The following PRKAR1B variants were observed in gnomAD, a reference collection of about 807,000 sequenced individuals.
PRKAR1B encodes protein kinase cAMP-dependent type I regulatory subunit beta.
In PRKAR1B, 22 loss-of-function variants were observed where a neutral mutation model predicts 46.5. That is an observed-to-expected ratio of 0.47 (90% CI 0.34 to 0.68). PRKAR1B has a LOEUF of 0.68. Ranked by LOEUF, PRKAR1B falls within the 30% of genes least tolerant of loss-of-function variation. PRKAR1B has a pLI of 0.01. For synonymous variants in PRKAR1B, 259 were observed against 217.7 expected, an observed-to-expected ratio of 1.19 and a Z score of -1.67; for missense variants, 445 against 535.6, an observed-to-expected ratio of 0.83 and a Z score of 1.67.
intron 4 of PRKAR1B, among the ~76,000 whole-genome samples, chr7:656,624 C>T (rs547509295): frequency 1.5e-4 from 23 of 149,014 alleles, no homozygotes; most frequent in Admixed American, 2.7e-4. Context: ...TAAGTGAATG[C>T]GTAGATGAAT....
intron 2 of PRKAR1B, among the ~76,000 whole-genome samples, chr7:703,735 T>A (rs1481202966): frequency 6.6e-6 from 1 of 151,196 alleles, no homozygotes; most frequent in Non-Finnish European, 1.5e-5. Context: ...CTAACCAACA[T>A]TTCCAGAACA....
intron 4 of PRKAR1B, among the ~76,000 whole-genome samples, chr7:626,033 A>G (rs1334181223): frequency 6.6e-6 from 1 of 151,874 alleles, no homozygotes; most frequent in African/African-American, 2.4e-5. Flanking sequence ...AAAAAGAAAG[A>G]AAGAAAAACT....
At chr7:588,523 T>C (rs1780737762) in intron 7 of PRKAR1B, among the ~76,000 whole-genome samples, 1 of 86,928 alleles carries the variant, frequency 1.2e-5, no homozygotes, top group African/African-American at 4.4e-5. Context: ...ACGATGATGG[T>C]GGTGACGGTG....
intron 6 of PRKAR1B, among the ~76,000 whole-genome samples, chr7:605,517 GTTTA>G: frequency 6.6e-6 from 1 of 152,312 alleles, no homozygotes; most frequent in South Asian, 2.1e-4. Context: ...GTGTGTATGT[GTTTA>G]TTTACTTAGT....
Position 666,638 on chromosome 7 carries a change from C to A in PRKAR1B, c.440+10591G>T, listed in dbSNP as rs946024298. Among the ~76,000 whole-genome samples the A allele has an allele frequency of 6.6e-6, 1 of 152,226 alleles. No homozygotes were observed. Among genetic ancestry groups the A allele is most frequent in the Admixed American group, 6.5e-5 (1 of 15,286 alleles). ...GGCCCCCTCTCACTGGGTCTCAGAGCTCTGTTCAGTACAGTGAGGTGGGGA... is the reference window on the plus strand; with the variant it reads ...GGCCCCCTCTCACTGGGTCTCAGAGATCTGTTCAGTACAGTGAGGTGGGGA... On this transcript the variant is annotated intron_variant, in intron 4 of 10. Transcript: ENST00000537384. This position sits in a 1 kb window ranked among gnomAD's most constrained non-coding sequence, Gnocchi z 4.9.
At chr7:657,384 T>G (rs1240683141) in intron 4 of PRKAR1B, among the ~76,000 whole-genome samples, 1 of 149,478 alleles carries the variant, frequency 6.7e-6, no homozygotes, top group East Asian at 2.0e-4. Context: ...TGAATGAATG[T>G]GTGCATGGAT....
chr7:685,694 C>G (rs1023486091), intron 2 of PRKAR1B, among the ~76,000 whole-genome samples: 3 of 151,826 alleles, frequency 2.0e-5, no homozygotes, highest in Non-Finnish European at 2.9e-5. Flanking sequence ...ACACTAGATA[C>G]TAGAGGACAA....
chr7:700,478 A>G (rs763889926), intron 2 of PRKAR1B, among the ~76,000 whole-genome samples: 15 of 152,238 alleles, frequency 9.9e-5, no homozygotes, highest in Non-Finnish European at 1.9e-4. Flanking sequence ...TATTCAACAT[A>G]TCAAGAACTA....
chr7:628,532 C>T (rs1054714220), intron 4 of PRKAR1B, among the ~76,000 whole-genome samples: 1 of 152,220 alleles, frequency 6.6e-6, no homozygotes, highest in Non-Finnish European at 1.5e-5. Context: ...CCTCCCAGGC[C>T]CGTGTGAGGA....
At chr7:676,737 G>A (rs1043034496) in intron 4 of PRKAR1B, among the ~76,000 whole-genome samples, 2 of 152,226 alleles carry the variant, frequency 1.3e-5, no homozygotes, top group African/African-American at 4.8e-5. Flanking sequence ...TGTATTCCAT[G>A]GCCCATGAGT....
At chr7:669,077 G>C (rs1045275915) in intron 4 of PRKAR1B, among the ~76,000 whole-genome samples, 9 of 152,166 alleles carry the variant, frequency 5.9e-5, no homozygotes, top group Non-Finnish European at 1.0e-4. Context: ...AACAACCCAA[G>C]TGTCCATCAG....
intron 9 of PRKAR1B, 134 bp from the exon 10 acceptor site, chr7:551,604 C>A (rs1784205112): frequency 1.1e-5 from 9 of 837,278 alleles, no homozygotes; most frequent in Non-Finnish European, 1.7e-5. Flanking sequence ...AGAGCCACTG[C>A]CGACACCACG....
At chr7:703,077 T>C (rs901151174) in intron 2 of PRKAR1B, among the ~76,000 whole-genome samples, 1 of 152,108 alleles carries the variant, frequency 6.6e-6, no homozygotes, top group African/African-American at 2.4e-5. Context: ...AGAAAAAGAT[T>C]AATCACACAA....
At chr7:679,252 G>A (rs910407659) in intron 3 of PRKAR1B, among the ~76,000 whole-genome samples, 6 of 152,302 alleles carry the variant, frequency 3.9e-5, no homozygotes, top group African/African-American at 1.2e-4. Flanking sequence ...CAGACACTGA[G>A]CTCCACACCT....
At chr7:622,661 A>G (rs574475575) in intron 4 of PRKAR1B, among the ~76,000 whole-genome samples, 4 of 152,306 alleles carry the variant, frequency 2.6e-5, no homozygotes, top group African/African-American at 9.6e-5. Context: ...AGAGCAGAAC[A>G]CACAGAGGCA....
At position 671,619 on chromosome 7, in the gene PRKAR1B, C is replaced by T. The variant is rs373633419; in HGVS notation, c.440+5610G>A. On this transcript the variant is annotated intron_variant, in intron 4 of 10. Coordinates refer to ENST00000537384, the MANE Select transcript of PRKAR1B (RefSeq NM_001164760.2). ...GATTATAGGCGTGTACCACCAGGCC[C>T]GGGTAATTTTTTTAAGAGATGGGGT... Among the ~76,000 whole-genome samples the T allele has an allele frequency of 6.2e-4, 94 of 152,192 alleles. 2 individuals are homozygous for T. The highest frequency in any genetic ancestry group is 2.2e-3 in the African/African-American group (91 of 41,538).
chr7:550,545 G>A lies in PRKAR1B; in HGVS notation c.1031C>T (p.Pro344Leu), dbSNP rs749969779. 6.2e-7 allele frequency: 1 copy of A among 1,604,582 alleles called. No homozygotes were observed. Among genetic ancestry groups the A allele is most frequent in the Non-Finnish European group, 8.5e-7 (1 of 1,176,214 alleles). ...PRAATVVARGPLKCVKLDRPR... is the reference protein window; with the variant it reads ...PRAATVVARGLLKCVKLDRPR... ...CCGGTCCAGCTTCACACACTTGAGG[G>A]GCCCCCGGGCCACGACAGTGGCCGC... Residue 344 changes from proline (P) to leucine (L), a missense_variant, in exon 11 of 11, where the codon CCC (proline) becomes CTC (leucine). Pro to Leu is a moderately conservative substitution (Grantham distance 98, BLOSUM62 -3). Coordinates refer to ENST00000537384, the MANE Select transcript of PRKAR1B (RefSeq NM_001164760.2).
intron 2 of PRKAR1B, among the ~76,000 whole-genome samples, chr7:699,583 C>A (rs535880183): frequency 6.6e-6 from 1 of 152,158 alleles, no homozygotes; most frequent in Non-Finnish European, 1.5e-5. Flanking sequence ...AAGCTCAAGC[C>A]GAGATCTCCT....
chr7:641,298 C>T (rs1784373861), intron 4 of PRKAR1B, among the ~76,000 whole-genome samples: 1 of 152,214 alleles, frequency 6.6e-6, no homozygotes, highest in South Asian at 2.1e-4. Flanking sequence ...AGCAATTCCA[C>T]TCCTAGGAAT....
Sources: gnomAD v4.1 joint callset for allele counts (sites outside exome capture counted in the v4.1 genomes callset) on GRCh38, gnomAD v4.1.1 for gene constraint, Gnocchi (gnomAD v3.1) non-coding constraint, MANE v1.5 for transcripts, NCBI Gene and HGNC (gene_info 2026-07-23, HGNC 2026-07-21) for gene names.